IL1RAPL1: variants seen among roughly 807,000 people sequenced by gnomAD.
The protein encoded by IL1RAPL1 is interleukin-1 receptor accessory protein-like 1.
A neutral mutation model predicts 48.4 loss-of-function variants in IL1RAPL1; 3 were observed. That is an observed-to-expected ratio of 0.06 (90% confidence interval 0.03 to 0.16). The LOEUF (loss-of-function observed/expected upper bound fraction) is 0.16. IL1RAPL1 is among the 10% of genes least tolerant of loss of function. The probability of loss-of-function intolerance (pLI) is 1.00; values close to 1 mark genes in which losing one functional copy is unlikely to be tolerated. For missense variants in IL1RAPL1, 349 were observed against 530.6 expected (o/e 0.66, Z 3.36); for synonymous variants, 185 against 187.7 (o/e 0.99, Z 0.12).
At chrX:28,852,239 G>C (rs1921680182) in intron 2 of IL1RAPL1, among the ~76,000 whole-genome samples, 1 of 111,345 alleles carries the variant, frequency 9.0e-6, no homozygotes, top group Non-Finnish European at 1.9e-5. Context: ...ATAGACAATA[G>C]CATGACAATT....
chrX:28,769,715 G>A (rs768392974), intron 1 of IL1RAPL1, among the ~76,000 whole-genome samples: 1 of 111,171 alleles, frequency 9.0e-6, no homozygotes, highest in Non-Finnish European at 1.9e-5. Context: ...TTCTGGGGAC[G>A]CTTCCCAGTT....
intron 2 of IL1RAPL1, among the ~76,000 whole-genome samples, chrX:29,132,104 G>A (rs771026469): frequency 3.6e-4 from 40 of 111,670 alleles, no homozygotes; most frequent in Admixed American, 6.7e-4. Flanking sequence ...CTTAACTCTA[G>A]GGTGCTGCCC....
chrX:29,453,960 T>C (rs188257039), intron 5 of IL1RAPL1, among the ~76,000 whole-genome samples: 18 of 112,604 alleles, frequency 1.6e-4, no homozygotes, highest in Admixed American at 1.6e-3. Flanking sequence ...TCATTTTGTT[T>C]GTGGGAAAAG....
intron 5 of IL1RAPL1, among the ~76,000 whole-genome samples, chrX:29,574,922 A>G (rs903066461): frequency 8.9e-6 from 1 of 112,172 alleles, no homozygotes; most frequent in African/African-American, 3.2e-5. Context: ...TTGCTGAAGC[A>G]TAACAAGAGT....
chrX:28,642,367 C>G (rs770363059), intron 1 of IL1RAPL1, among the ~76,000 whole-genome samples: 2 of 112,022 alleles, frequency 1.8e-5, no homozygotes, highest in Non-Finnish European at 3.8e-5. Flanking sequence ...ACATTCTTCT[C>G]AGTACCACAT....
intron 2 of IL1RAPL1, among the ~76,000 whole-genome samples, chrX:29,221,758 A>C (rs1248082657): frequency 9.1e-6 from 1 of 110,456 alleles, no homozygotes; most frequent in Non-Finnish European, 1.9e-5. Context: ...CACGCCCGTA[A>C]TGCCAGCACT....
intron 2 of IL1RAPL1, among the ~76,000 whole-genome samples, chrX:28,938,441 A>C (rs938836171): frequency 5.1e-5 from 5 of 97,097 alleles, no homozygotes; most frequent in African/African-American, 2.0e-4. Flanking sequence ...TTATTCAATA[A>C]ACGGTGCTGA....
At chrX:29,385,402 C>A (rs957744153) in intron 3 of IL1RAPL1, among the ~76,000 whole-genome samples, 1 of 111,801 alleles carries the variant, frequency 8.9e-6, no homozygotes, top group Non-Finnish European at 1.9e-5. Context: ...TGCGGTGAGC[C>A]GAGATTGTGC....
intron 2 of IL1RAPL1, among the ~76,000 whole-genome samples, chrX:28,881,687 T>TA (rs1190564984): frequency 5.4e-5 from 6 of 110,714 alleles, no homozygotes; most frequent in African/African-American, 2.0e-4. Flanking sequence ...ATACAAACTA[T>TA]AAAAAAAGAA....
At chrX:28,680,784 C>G (rs765415219) in intron 1 of IL1RAPL1, among the ~76,000 whole-genome samples, 3 of 111,587 alleles carry the variant, frequency 2.7e-5, no homozygotes, top group Non-Finnish European at 3.8e-5. Flanking sequence ...TTGAATCATC[C>G]TTGAATCTAA....
intron 5 of IL1RAPL1, among the ~76,000 whole-genome samples, chrX:29,566,572 A>G (rs1315902290): frequency 1.9e-5 from 2 of 105,991 alleles, no homozygotes; most frequent in Non-Finnish European, 4.0e-5. Context: ...GGAGTGGATC[A>G]TCAAAGGAGG....
intron 6 of IL1RAPL1, among the ~76,000 whole-genome samples, chrX:29,803,429 A>ATGTG (rs1569174354): frequency 2.1e-5 from 2 of 96,503 alleles, no homozygotes; most frequent in Admixed American, 1.2e-4. Flanking sequence ...ATGTGTATAT[A>ATGTG]TGTATACATC....
chrX:28,736,622 A>G (rs1017814420), intron 1 of IL1RAPL1, among the ~76,000 whole-genome samples: 3 of 111,829 alleles, frequency 2.7e-5, no homozygotes, highest in African/African-American at 9.7e-5. Context: ...GTCAGTGGTA[A>G]TGACAGACCT....
chrX:29,131,914 GAAGGCGACGTTAT>G (rs1461340618), intron 2 of IL1RAPL1, among the ~76,000 whole-genome samples: 1 of 111,525 alleles, frequency 9.0e-6, no homozygotes, highest in East Asian at 2.8e-4. Flanking sequence ...GGCTTTACTT[GAAGGCGACGTTAT>G]AAGAAACAGC....
At chrX:29,546,494 A>C (rs928298024) in intron 5 of IL1RAPL1, among the ~76,000 whole-genome samples, 2 of 111,840 alleles carry the variant, frequency 1.8e-5, no homozygotes, top group African/African-American at 6.5e-5. Context: ...ACATACATAT[A>C]TTGCAAATGC....
chrX:29,467,610 C>T (rs1399717351), intron 5 of IL1RAPL1, among the ~76,000 whole-genome samples: 1 of 111,883 alleles, frequency 8.9e-6, no homozygotes, highest in Admixed American at 9.5e-5. Context: ...CAGAGTACCA[C>T]GTAGTACCTG....
Position 28,875,650 on chromosome X carries a change from T to TGGTGGGGGTGAGTTAAATATGGG in IL1RAPL1, c.82+86230_82+86231insGGGTGAGTTAAATATGGGGGTGG, listed in dbSNP as rs1482288509. ...GGGGGTGGATTTCTTATGAATAGCT[T>TGGTGGGGGTGAGTTAAATATGGG]GGTGGCTTGGTGGCATCCTCATGGT... is the stretch of plus-strand genomic sequence containing the variant. On this transcript the variant is annotated intron_variant, in intron 2 of 10. Coordinates refer to ENST00000378993, the MANE Select transcript of IL1RAPL1 (RefSeq NM_014271.4). Among the ~76,000 whole-genome samples the TGGTGGGGGTGAGTTAAATATGGG allele has an allele frequency of 3.3e-4, 37 of 111,013 alleles. 3 individuals carry two copies. The highest frequency in any genetic ancestry group is 1.9e-5 in the Non-Finnish European group (1 of 52,970).
intron 1 of IL1RAPL1, among the ~76,000 whole-genome samples, chrX:28,661,360 CAT>C (rs1332784213): frequency 2.7e-5 from 3 of 110,108 alleles, no homozygotes; most frequent in Non-Finnish European, 5.7e-5. Flanking sequence ...TATAAAAACT[CAT>C]ATACATGTGC....
intron 5 of IL1RAPL1, among the ~76,000 whole-genome samples, chrX:29,645,395 T>C (rs1925288714): frequency 9.0e-6 from 1 of 111,455 alleles, no homozygotes; most frequent in African/African-American, 3.3e-5. Context: ...ATTACCTCTG[T>C]CACCCCTCCA....
Sources: allele counts gnomAD v4.1 joint callset (sites outside exome capture counted in the v4.1 genomes callset), GRCh38; gene constraint gnomAD v4.1.1; transcripts MANE v1.5; gene names NCBI Gene and HGNC (gene_info 2026-07-23, HGNC 2026-07-21).